The following LAMC3 variants were observed in gnomAD, a reference collection of about 807,000 sequenced individuals.
LAMC3 encodes the protein laminin subunit gamma-3.
In LAMC3, 128 loss-of-function variants were observed where a neutral mutation model predicts 173.8. The observed-to-expected ratio is 0.74, with a 90% CI of 0.64 to 0.85. The LOEUF (loss-of-function observed/expected upper bound fraction) is 0.85. LAMC3 is among the 40% of genes least tolerant of loss of function. The pLI is 0.00. For missense variants in LAMC3, 2,022 were observed against 2,156.0 expected (o/e 0.94, Z 1.23); for synonymous variants, 897 against 909.1 (o/e 0.99, Z 0.24).
chr9:131,062,036 G>A, intron 13 of LAMC3, among the ~76,000 whole-genome samples: 1 of 150,830 alleles, frequency 6.6e-6, no homozygotes, highest in East Asian at 2.0e-4. Flanking sequence ...GGGTGACAGA[G>A]CCAGACCCTA....
At position 131,072,799 on chromosome 9, in the gene LAMC3, G is replaced by C. The variant is rs758427919; in HGVS notation, c.3381G>C (p.Glu1127Asp). The change falls in exon 19 of 28, where the codon GAG becomes GAC. Residue 1127 changes from glutamate (E) to aspartate (D), a missense_variant. Glu to Asp is a conservative substitution (Grantham distance 45). Coordinates refer to ENST00000361069, the MANE Select transcript of LAMC3 (RefSeq NM_006059.4). Reference protein sequence around the residue: ...DLEAVLESSEEEILHAAAILA... With the variant: ...DLEAVLESSEDEILHAAAILA... Reference sequence around the variant, plus strand: ...AGGCAGTGCTGGAGTCCTCGGAAGAGGAGATTCTGCATGCAGCTGCCATTC... The same window carrying C: ...AGGCAGTGCTGGAGTCCTCGGAAGACGAGATTCTGCATGCAGCTGCCATTC... 18 of 1,613,244 alleles carry C rather than the reference G, an allele frequency of 1.1e-5. No homozygotes were observed. Among genetic ancestry groups the C allele is most frequent in the Non-Finnish European group, 1.5e-5 (18 of 1,179,732 alleles).
intron 13 of LAMC3, 73 bp downstream of exon 13, chr9:131,061,296 C>G: frequency 7.4e-7 from 1 of 1,342,386 alleles, no homozygotes; most frequent in Non-Finnish European, 1.0e-6. Flanking sequence ...GCCCTGGGCT[C>G]CAGGGTTAGG....
intron 1 of LAMC3, among the ~76,000 whole-genome samples, chr9:131,012,707 ACCTCT>A (rs1277667297): frequency 6.6e-6 from 1 of 151,524 alleles, no homozygotes; most frequent in East Asian, 1.9e-4. Context: ...CCGTCTGATG[ACCTCT>A]CCTCCTGGTC....
intron 1 of LAMC3, among the ~76,000 whole-genome samples, chr9:131,010,719 T>C (rs1277825082): frequency 6.6e-6 from 1 of 152,270 alleles, no homozygotes; most frequent in East Asian, 1.9e-4. Context: ...TTCGTGCTGC[T>C]GGGCAGCTGC....
intron 1 of LAMC3, among the ~76,000 whole-genome samples, chr9:131,021,969 G>A (rs1323821600): frequency 2.0e-5 from 3 of 152,170 alleles, no homozygotes; most frequent in African/African-American, 7.2e-5. Flanking sequence ...CCATCCAGAA[G>A]CTCCCTGAAC....
chr9:131,056,656 T>G (rs1834411084), intron 11 of LAMC3, among the ~76,000 whole-genome samples: 2 of 152,120 alleles, frequency 1.3e-5, no homozygotes, highest in South Asian at 4.1e-4. Context: ...TTAGCTGGGC[T>G]TGGTGTCTTG....
At chr9:131,032,457 T>C (rs1296659733) in intron 3 of LAMC3, among the ~76,000 whole-genome samples, 5 of 149,912 alleles carry the variant, frequency 3.3e-5, no homozygotes, top group Non-Finnish European at 7.4e-5. Context: ...CTCCCTCCCT[T>C]CCTCCCTTCG....
At chr9:131,013,276 C>A (rs1329409555) in intron 1 of LAMC3, among the ~76,000 whole-genome samples, 2 of 152,122 alleles carry the variant, frequency 1.3e-5, no homozygotes, top group African/African-American at 2.4e-5. Flanking sequence ...GGTCCACATG[C>A]TTGAAGCCTC....
intron 1 of LAMC3, among the ~76,000 whole-genome samples, chr9:131,017,848 A>G (rs1184167343): frequency 6.6e-6 from 1 of 151,974 alleles, no homozygotes; most frequent in Non-Finnish European, 1.5e-5. Flanking sequence ...CAACATGGCA[A>G]AACCCCGTCT....
At chr9:131,085,394 G>A in intron 24 of LAMC3, 130 bp from the exon 25 acceptor site, 1 of 858,792 alleles carries the variant, frequency 1.2e-6, no homozygotes. Context: ...TATGCACGTT[G>A]CATGCACTTC....
At chr9:131,049,158 C>A in intron 9 of LAMC3, 28 bp downstream of exon 9, 1 of 1,353,406 alleles carries the variant, frequency 7.4e-7, no homozygotes, top group Non-Finnish European at 1.0e-6. Context: ...TGGGGGCTGG[C>A]CGCCCTGTGT....
chr9:131,071,597 C>T lies in LAMC3; in HGVS notation c.3183C>T (p.Asp1061=), dbSNP rs763614146. 6.9e-6 allele frequency: 11 copies of T among 1,600,394 alleles called. No individual in the cohort carries two copies. The highest frequency in any genetic ancestry group is 2.7e-5 in the African/African-American group (2 of 74,782). Residue 1061 remains aspartate, a synonymous_variant, in exon 18 of 28, where the codon GAC becomes GAT. Coordinates refer to ENST00000361069, the MANE Select transcript of LAMC3 (RefSeq NM_006059.4). ...TGCTGGGAGAGGCCCCAAGGGGGGA[C>T]GTCTACCAGGGCCATCACCTGCTTC... ...DILLGEAPRG[D]VYQGHHLLPG...
chr9:131,037,260 T>C (rs779437979), intron 4 of LAMC3, among the ~76,000 whole-genome samples: 1 of 152,214 alleles, frequency 6.6e-6, no homozygotes, highest in Non-Finnish European at 1.5e-5. Context: ...CTCAGCTCCA[T>C]GGTCACGTCT....
intron 1 of LAMC3, among the ~76,000 whole-genome samples, chr9:131,020,165 A>G (rs936846547): frequency 6.6e-6 from 1 of 152,174 alleles, no homozygotes; most frequent in Non-Finnish European, 1.5e-5. Context: ...CTGGGAATGC[A>G]TGGGTGAGGC....
At chr9:131,050,351 C>T (rs1490259214) in intron 9 of LAMC3, among the ~76,000 whole-genome samples, 2 of 152,308 alleles carry the variant, frequency 1.3e-5, no homozygotes, top group Non-Finnish European at 2.9e-5. Flanking sequence ...AAACAAACGT[C>T]TGGGCTGGCT....
chr9:131,060,069 A>G (rs2315072), intron 12 of LAMC3, among the ~76,000 whole-genome samples: 110,488 of 151,470 alleles, frequency 0.73, 40,767 homozygotes, highest in African/African-American at 0.84. Flanking sequence ...TGCCAGGTGC[A>G]GTCGGCCTGG....
chr9:131,074,482 G>A (rs1830089377), intron 20 of LAMC3, among the ~76,000 whole-genome samples: 1 of 151,848 alleles, frequency 6.6e-6, no homozygotes, highest in African/African-American at 2.4e-5. Context: ...GATCACTAGA[G>A]GTCAGGAGTT....
chr9:131,073,667 T>G (rs1830075923), intron 20 of LAMC3, among the ~76,000 whole-genome samples: 1 of 152,132 alleles, frequency 6.6e-6, no homozygotes, highest in South Asian at 2.1e-4. Context: ...AGACTCTGTC[T>G]CACTGTATAA....
intron 3 of LAMC3, among the ~76,000 whole-genome samples, chr9:131,032,501 T>C (rs1247903177): frequency 6.6e-6 from 1 of 150,464 alleles, no homozygotes; most frequent in Non-Finnish European, 1.5e-5. Context: ...TCGCTCTCTC[T>C]CACTCGCTCT....
Sources: allele counts gnomAD v4.1 joint callset (sites outside exome capture counted in the v4.1 genomes callset), GRCh38; gene constraint gnomAD v4.1.1; transcripts MANE v1.5; gene names NCBI Gene and HGNC (gene_info 2026-07-23, HGNC 2026-07-21).